CNNM2: variants seen among roughly 807,000 people sequenced by gnomAD.
CNNM2 encodes metal transporter CNNM2.
In CNNM2, 12 loss-of-function variants were observed where a neutral mutation model predicts 66.9. The ratio of observed to expected loss-of-function variants is 0.18; its 90% CI spans 0.11 to 0.29. The LOEUF (loss-of-function observed/expected upper bound fraction) is 0.29. CNNM2 is among the 10% of genes least tolerant of loss of function. The probability of loss-of-function intolerance (pLI) is 1.00; values close to 1 mark genes in which losing one functional copy is unlikely to be tolerated. For missense variants in CNNM2, 705 were observed against 1,167.7 expected, an observed-to-expected ratio of 0.60 and a Z score of 5.77; for synonymous variants, 557 against 501.8, an observed-to-expected ratio of 1.11 and a Z score of -1.47.
chr10:102,969,126 G>A (rs1322319903), intron 1 of CNNM2, among the ~76,000 whole-genome samples: 2 of 147,458 alleles, frequency 1.4e-5, no homozygotes, highest in Non-Finnish European at 3.0e-5. Context: ...TGTTGTCCAG[G>A]CTAGTTTTGA....
At chr10:103,050,298 G>A (rs969086167) in intron 2 of CNNM2, among the ~76,000 whole-genome samples, 11 of 152,258 alleles carry the variant, frequency 7.2e-5, no homozygotes, top group Admixed American at 4.6e-4. Context: ...TTAGGAGGCC[G>A]AGGCAGGTGA....
intron 1 of CNNM2, among the ~76,000 whole-genome samples, chr10:103,014,343 T>G (rs2064401093): frequency 6.6e-6 from 1 of 152,230 alleles, no homozygotes; most frequent in Admixed American, 6.5e-5. Flanking sequence ...ACCTGCAATT[T>G]ACTCAATAAC....
At chr10:102,988,322 T>C (rs1349059169) in intron 1 of CNNM2, among the ~76,000 whole-genome samples, 3 of 151,740 alleles carry the variant, frequency 2.0e-5, no homozygotes, top group Admixed American at 6.6e-5. Context: ...AATAGAAATA[T>C]TGAAAAGGCG....
rs1845550669 is a variant in CNNM2, at chr10:102,919,629, G to A, written c.1149G>A (p.Met383Ile). 6.2e-7 allele frequency: 1 copy of A among 1,613,880 alleles called. No individual in the cohort carries two copies. The highest frequency in any genetic ancestry group is 1.3e-5 in the African/African-American group (1 of 74,944). The change falls in exon 1 of 8, where the codon ATG becomes ATA. Residue 383 changes from methionine (M) to isoleucine (I), a missense_variant. By Grantham distance (10) the Met-to-Ile change is conservative. Coordinates refer to ENST00000369878, the MANE Select transcript of CNNM2 (RefSeq NM_017649.5). ...ANTIFLTKFF[M>I]MMTFPASYPV... ...CCATCTTCCTCACCAAGTTTTTCATGATGATGACCTTCCCCGCTTCCTACC... is the reference window on the plus strand; with the variant it reads ...CCATCTTCCTCACCAAGTTTTTCATAATGATGACCTTCCCCGCTTCCTACC...
intron 1 of CNNM2, among the ~76,000 whole-genome samples, chr10:103,049,285 A>C (rs1420597362): frequency 6.6e-6 from 1 of 152,198 alleles, no homozygotes; most frequent in South Asian, 2.1e-4. Flanking sequence ...TCAAATTTCA[A>C]CACAGTGAAA....
intron 1 of CNNM2, among the ~76,000 whole-genome samples, chr10:103,023,722 T>C (rs2134289896): frequency 6.6e-6 from 1 of 152,284 alleles, no homozygotes; most frequent in East Asian, 1.9e-4. Flanking sequence ...GACCATGTGA[T>C]TTCCATTAAA....
At chr10:103,024,253 A>G (rs1218306062) in intron 1 of CNNM2, among the ~76,000 whole-genome samples, 2 of 152,212 alleles carry the variant, frequency 1.3e-5, no homozygotes, top group African/African-American at 2.4e-5. Flanking sequence ...TAAAGTATAT[A>G]TAAAAGTAGA....
intron 1 of CNNM2, among the ~76,000 whole-genome samples, chr10:103,044,137 G>A (rs976792572): frequency 1.3e-5 from 2 of 152,068 alleles, no homozygotes; most frequent in African/African-American, 2.4e-5. Context: ...CATTCTTCTC[G>A]TTGGAAGTTA....
At chr10:103,052,173 C>T (rs372082467) in intron 2 of CNNM2, among the ~76,000 whole-genome samples, 14 of 150,638 alleles carry the variant, frequency 9.3e-5, no homozygotes, top group African/African-American at 2.7e-4. Flanking sequence ...CCCAGCTGCT[C>T]GGGAGGCTGA....
chr10:102,931,443 G>A (rs1380445310), intron 1 of CNNM2, among the ~76,000 whole-genome samples: 14 of 143,956 alleles, frequency 9.7e-5, no homozygotes, highest in Admixed American at 7.3e-4. Flanking sequence ...CGCAACCTCC[G>A]CCTTCCCGGG....
intron 1 of CNNM2, among the ~76,000 whole-genome samples, chr10:102,971,133 A>G (rs2063540504): frequency 6.6e-6 from 1 of 151,294 alleles, no homozygotes; most frequent in African/African-American, 2.4e-5. Flanking sequence ...CAGGAGTTCA[A>G]GGCTGCAGTG....
intron 1 of CNNM2, among the ~76,000 whole-genome samples, chr10:102,963,198 T>C (rs891241582): frequency 3.9e-5 from 6 of 152,158 alleles, no homozygotes; most frequent in African/African-American, 1.4e-4. Context: ...GTAAGTAAAA[T>C]GGGAAGAGGA....
At chr10:103,041,790 C>A (rs1307409325) in intron 1 of CNNM2, among the ~76,000 whole-genome samples, 1 of 151,988 alleles carries the variant, frequency 6.6e-6, no homozygotes, top group Admixed American at 6.6e-5. Context: ...TTTATTCCCC[C>A]CTCCCCTTCC....
intron 1 of CNNM2, among the ~76,000 whole-genome samples, chr10:103,028,343 T>C (rs1471761577): frequency 6.6e-6 from 1 of 152,224 alleles, no homozygotes; most frequent in Admixed American, 6.5e-5. Context: ...TGACAACTCA[T>C]TGTATTTGAG....
rs549663055 is a variant in CNNM2, at chr10:102,968,117, A to G, written c.1621+48016A>G. Among the ~76,000 whole-genome samples the G allele has an allele frequency of 2.1e-3, 111 of 54,044 alleles. 1 individual carries two copies. The highest frequency in any genetic ancestry group is 6.6e-3 in the African/African-American group (108 of 16,256). The allele number at this position is 54,044 out of a possible 152,430, so 35.5% of individuals were successfully genotyped here. A position where few individuals can be genotyped will look rare whatever the true frequency, so the allele number is the denominator to read the frequency against. Reference sequence around the variant, plus strand: ...AGTTTCTGGGTCATATAGTAAGAATATATATATATTTTACTTTTCAAGAAG... The same window carrying G: ...AGTTTCTGGGTCATATAGTAAGAATGTATATATATTTTACTTTTCAAGAAG... On this transcript the variant is annotated intron_variant, in intron 1 of 7. Transcript: ENST00000369878.
chr10:103,027,348 C>T (rs1424405306), intron 1 of CNNM2: 1 of 152,202 alleles, frequency 6.6e-6, no homozygotes, highest in Non-Finnish European at 1.5e-5. Context: ...GAACTGAAGT[C>T]TTCTGTTTCT....
rs928941117 is a variant in CNNM2 at position 103,054,130 on chromosome 10, G to A, written c.1766-199G>A. On this transcript the variant is annotated intron_variant, in intron 2 of 7. Transcript: ENST00000369878. This position sits in a 1 kb window ranked among gnomAD's most constrained non-coding sequence, Gnocchi z 5.2. ...CCTGCGGTCACTCGCTGCGGACTGC[G>A]TGGTGCCCAGGCCGCCGTGCTGATT... Among the ~76,000 whole-genome samples the A allele has an allele frequency of 1.3e-5, 2 of 152,200 alleles. No individual in the cohort carries two copies. The highest frequency in any genetic ancestry group is 4.8e-5 in the African/African-American group (2 of 41,452).
At chr10:103,031,524 T>C (rs989686820) in intron 1 of CNNM2, among the ~76,000 whole-genome samples, 1 of 152,116 alleles carries the variant, frequency 6.6e-6, no homozygotes, top group African/African-American at 2.4e-5. Flanking sequence ...TTCTAACACA[T>C]CTGGCACTGG....
intron 1 of CNNM2, among the ~76,000 whole-genome samples, chr10:102,966,430 G>A (rs918381514): frequency 3.9e-5 from 6 of 152,158 alleles, no homozygotes; most frequent in African/African-American, 1.4e-4. Flanking sequence ...GGAGTTTGAG[G>A]CCAGCCTGGC....
Sources: allele counts gnomAD v4.1 joint callset (sites outside exome capture counted in the v4.1 genomes callset), GRCh38; gene constraint gnomAD v4.1.1; non-coding constraint Gnocchi (gnomAD v3.1); transcripts MANE v1.5; gene names NCBI Gene and HGNC (gene_info 2026-07-23, HGNC 2026-07-21).